SPDYA: variants seen among roughly 807,000 people sequenced by gnomAD.
The protein encoded by SPDYA is speedy/RINGO cell cycle regulator family member A.
Under a neutral mutation model 36.7 loss-of-function variants are expected in SPDYA, and 11 were observed. That is an observed-to-expected ratio of 0.30 (90% CI 0.19 to 0.50). SPDYA has a LOEUF of 0.50. Ranked by LOEUF, SPDYA falls within the 20% of genes least tolerant of loss-of-function variation. The pLI is 0.98. For synonymous variants in SPDYA, 115 were observed against 118.7 expected (o/e 0.97, Z 0.20); for missense variants, 287 against 370.9 (o/e 0.77, Z 1.86).
chr2:28,829,438 T>A, intron 6 of SPDYA, 119 bp downstream of exon 6: 1 of 848,462 alleles, frequency 1.2e-6, no homozygotes, highest in Non-Finnish European at 1.8e-6. Flanking sequence ...TTTTCTAATA[T>A]GTGGAGTAGA....
At chr2:28,834,954 C>T (rs1332256990) in intron 6 of SPDYA, among the ~76,000 whole-genome samples, 2 of 152,168 alleles carry the variant, frequency 1.3e-5, no homozygotes, top group Admixed American at 6.5e-5. Context: ...AGCACTCAAC[C>T]ATCATGTAAC....
At chr2:28,848,300 T>C (rs1011597354) in intron 7 of SPDYA, among the ~76,000 whole-genome samples, 1 of 152,204 alleles carries the variant, frequency 6.6e-6, no homozygotes, top group African/African-American at 2.4e-5. Flanking sequence ...TGGAATCCCA[T>C]TTTTCTTAGG....
intron 7 of SPDYA, among the ~76,000 whole-genome samples, chr2:28,841,336 A>G (rs1434950110): frequency 6.6e-6 from 1 of 152,216 alleles, no homozygotes; most frequent in African/African-American, 2.4e-5. Context: ...AGTATTAATT[A>G]GAAAAGAACC....
In SPDYA at chr2:28,850,495, T is replaced by C. The variant is rs1448274589; in HGVS notation, c.*554T>C. 4.8e-6 allele frequency: 4 copies of C among 841,094 alleles called. No individual in the cohort carries two copies. In the African/African-American group the frequency reaches 6.9e-5, roughly 15 times the overall value. 52.1% of individuals were successfully genotyped at this position (841,094 alleles called of 1,614,324 possible). A position where few individuals can be genotyped will look rare whatever the true frequency, so the allele number is the denominator to read the frequency against. ...GTTAAAATATGAGTTACTCTCTTTATTGTAAGTTTTTTCTTTATTTATTTC... is the reference window on the plus strand; with the variant it reads ...GTTAAAATATGAGTTACTCTCTTTACTGTAAGTTTTTTCTTTATTTATTTC... On this transcript the variant is annotated 3_prime_UTR_variant, in exon 8 of 8. Coordinates refer to ENST00000334056, the MANE Select transcript of SPDYA (RefSeq NM_182756.4).
chr2:28,823,746 A>ATATATATATATAT (rs1558324099), intron 5 of SPDYA, among the ~76,000 whole-genome samples: 1 of 30,736 alleles, frequency 3.3e-5, no homozygotes, highest in African/African-American at 1.2e-4. Context: ...TATATATATA[A>ATATATATATATAT]AATTTTTTTT....
At chr2:28,812,933 A>G (rs1237773116) in intron 1 of SPDYA, among the ~76,000 whole-genome samples, 1 of 150,802 alleles carries the variant, frequency 6.6e-6, no homozygotes, top group Non-Finnish European at 1.5e-5. Context: ...TTCTTTCCCT[A>G]TCTCTTGCAG....
At chr2:28,814,731 A>G (rs567406773) in intron 2 of SPDYA, 45 bp downstream of exon 2, 1 of 152,210 alleles carries the variant, frequency 6.6e-6, no homozygotes, top group Non-Finnish European at 1.5e-5. Flanking sequence ...AGAGGTTCTC[A>G]GTAGGGTCCT....
chr2:28,844,353 G>A (rs1322504371), intron 7 of SPDYA, among the ~76,000 whole-genome samples: 1 of 152,168 alleles, frequency 6.6e-6, no homozygotes, highest in Non-Finnish European at 1.5e-5. Context: ...CTTCTGAATA[G>A]CAGACAGAAG....
Position 28,840,376 on chromosome 2 carries a change from G to C in SPDYA, c.757G>C (p.Ala253Pro), listed in dbSNP as rs764216335. The change falls in exon 7 of 8, where the codon GCA becomes CCA. Residue 253 changes from alanine to proline, a missense_variant. Transcript: ENST00000334056. ...ATCATCATCTTTATCCAGTCATACAGCAGGGGTGACAGAAAAACATTCTCA... is the reference window on the plus strand; with the variant it reads ...ATCATCATCTTTATCCAGTCATACACCAGGGGTGACAGAAAAACATTCTCA... ...SSSSSLSSHT[A>P]GVTEKHSQDS... The C allele has an allele frequency of 1.8e-5, 29 of 1,611,896 alleles. No homozygotes were observed. In the South Asian group the frequency reaches 2.4e-4, roughly 14 times the overall value.
intron 6 of SPDYA, among the ~76,000 whole-genome samples, chr2:28,829,766 A>AC (rs910114189): frequency 6.6e-6 from 1 of 151,702 alleles, no homozygotes; most frequent in African/African-American, 2.4e-5. Flanking sequence ...ACATGGTGAA[A>AC]CCCGTCTCTA....
intron 5 of SPDYA, among the ~76,000 whole-genome samples, chr2:28,824,148 A>C (rs1049613653): frequency 2.6e-5 from 4 of 152,162 alleles, no homozygotes; most frequent in Non-Finnish European, 5.9e-5. Flanking sequence ...GTTTTTACTC[A>C]AAGTGTATTT....
intron 6 of SPDYA, among the ~76,000 whole-genome samples, chr2:28,839,940 C>A (rs1361789850): frequency 6.6e-6 from 1 of 152,088 alleles, no homozygotes; most frequent in East Asian, 1.9e-4. Flanking sequence ...TTGCTTCAGT[C>A]CTATTTCCTG....
chr2:28,822,388 A>G lies in SPDYA; in HGVS notation c.358A>G (p.Arg120Gly), dbSNP rs1572495418. 6.4e-7 allele frequency: 1 copy of G among 1,568,720 alleles called. No individual in the cohort carries two copies. Among genetic ancestry groups the G allele is most frequent in the Non-Finnish European group, 8.7e-7 (1 of 1,153,724 alleles). Residue 120 changes from arginine (R) to glycine (G), a missense_variant, in exon 5 of 8, where the codon AGG becomes GGG. Arg to Gly is a moderately radical substitution (Grantham distance 125). Coordinates refer to ENST00000334056, the MANE Select transcript of SPDYA (RefSeq NM_182756.4). The part of the protein sequence containing the change: ...RAKFTISEHT[R>G]INFFIALYLA... ...TAAATTTACTATAAGTGAGCATACCAGGATAAATTTCTTTATTGCTCTGTA... is the reference window on the plus strand; with the variant it reads ...TAAATTTACTATAAGTGAGCATACCGGGATAAATTTCTTTATTGCTCTGTA...
intron 6 of SPDYA, 62 bp downstream of exon 6, chr2:28,829,381 G>A: frequency 1.4e-6 from 2 of 1,410,278 alleles, no homozygotes; most frequent in Non-Finnish European, 1.9e-6. Flanking sequence ...TATTATCCTT[G>A]TTTTTTAATG....
chr2:28,828,131 C>T (rs1022629110), intron 5 of SPDYA, among the ~76,000 whole-genome samples: 2 of 151,876 alleles, frequency 1.3e-5, no homozygotes, highest in African/African-American at 2.4e-5. Flanking sequence ...GGATTACAGG[C>T]GCAGGCCACC....
intron 6 of SPDYA, among the ~76,000 whole-genome samples, chr2:28,831,727 T>C (rs1281740317): frequency 6.6e-6 from 1 of 152,218 alleles, no homozygotes; most frequent in Non-Finnish European, 1.5e-5. Context: ...ACAACAATCA[T>C]GCATTACTCT....
Position 28,850,310 on chromosome 2 carries a change from T to C in SPDYA, c.*369T>C. 1 of 1,605,458 alleles carries C rather than the reference T, an allele frequency of 6.2e-7. No individual in the cohort carries two copies. Among genetic ancestry groups the C allele is most frequent in the South Asian group, 1.1e-5 (1 of 90,146 alleles). ...AAAGAAAAAACACCATTTAATATGTTCTGAAAACATTACTCACCTGTATGA... is the reference window on the plus strand; with the variant it reads ...AAAGAAAAAACACCATTTAATATGTCCTGAAAACATTACTCACCTGTATGA... On this transcript the variant is annotated 3_prime_UTR_variant, in exon 8 of 8. Transcript: ENST00000334056.
chr2:28,815,494 C>G (rs1667961831), intron 2 of SPDYA, among the ~76,000 whole-genome samples: 1 of 151,498 alleles, frequency 6.6e-6, no homozygotes, highest in Non-Finnish European at 1.5e-5. Context: ...AAGGAATTTA[C>G]CAATAAAGAG....
At chr2:28,818,372 A>G (rs927902225) in intron 3 of SPDYA, among the ~76,000 whole-genome samples, 8 of 151,358 alleles carry the variant, frequency 5.3e-5, no homozygotes, top group Admixed American at 4.6e-4. Context: ...AGGAGTCTGA[A>G]GCCAGAGGAT....
Sources: gnomAD v4.1 joint callset for allele counts (sites outside exome capture counted in the v4.1 genomes callset) on GRCh38, gnomAD v4.1.1 for gene constraint, MANE v1.5 for transcripts, NCBI Gene and HGNC (gene_info 2026-07-23, HGNC 2026-07-21) for gene names.